The following WASF2 variants were observed in gnomAD, a reference collection of about 807,000 sequenced individuals.
The protein encoded by WASF2 is actin-binding protein WASF2.
WASF2 carries 14 observed loss-of-function variants against 45.0 expected under a neutral mutation model. That is an observed-to-expected ratio of 0.31 (90% CI 0.21 to 0.49). The LOEUF (loss-of-function observed/expected upper bound fraction) is 0.49. WASF2 is among the 20% of genes least tolerant of loss of function. WASF2 has a pLI of 0.99. For synonymous variants in WASF2, 200 were observed against 236.3 expected (o/e 0.85, Z 1.41); for missense variants, 439 against 636.1 (o/e 0.69, Z 3.33).
At chr1:27,439,342 A>G (rs200270140) in intron 1 of WASF2, among the ~76,000 whole-genome samples, 121 of 152,338 alleles carry the variant, frequency 7.9e-4, no homozygotes, top group Middle Eastern at 6.8e-3. Flanking sequence ...TGGTGGTGGT[A>G]GTAGTAGTAG....
chr1:27,447,267 G>T (rs1322882147), intron 1 of WASF2, among the ~76,000 whole-genome samples: 1 of 152,108 alleles, frequency 6.6e-6, no homozygotes, highest in Non-Finnish European at 1.5e-5. Context: ...AGCTGTGAAG[G>T]TATCAATGGG....
chr1:27,441,063 T>C (rs1046721593), intron 1 of WASF2, among the ~76,000 whole-genome samples: 1 of 151,440 alleles, frequency 6.6e-6, no homozygotes, highest in Non-Finnish European at 1.5e-5. Flanking sequence ...AGATGGGGTT[T>C]CACCATGTTG....
At chr1:27,441,376 C>A (rs2017226157) in intron 1 of WASF2, among the ~76,000 whole-genome samples, 1 of 151,652 alleles carries the variant, frequency 6.6e-6, no homozygotes, top group South Asian at 2.1e-4. Flanking sequence ...ACCTGTAATC[C>A]CAGCACTTTG....
At position 27,409,297 on chromosome 1, in the gene WASF2, C is replaced by T. The variant is rs1475225395; in HGVS notation, c.1339+395G>A. Among the ~76,000 whole-genome samples the T allele has an allele frequency of 1.8e-4, 28 of 151,360 alleles. 1 individual carries two copies. The Middle Eastern group carries it at 0.01, about 56-fold the overall frequency. On this transcript the variant is annotated intron_variant, in intron 8 of 8. Transcript: ENST00000618852. ...AAAATTAGCCGGGCGTGGTGGCAGG[C>T]GCCTGTAGTACCAGCTACTCCGGAG...
chr1:27,426,361 A>T (rs1178920461), intron 2 of WASF2, among the ~76,000 whole-genome samples: 1 of 152,164 alleles, frequency 6.6e-6, no homozygotes, highest in Non-Finnish European at 1.5e-5. Flanking sequence ...AGGCTTGGGT[A>T]ATAGTTTAGG....
At position 27,404,901 on chromosome 1, in the gene WASF2, C is replaced by T. The variant is rs996964212; in HGVS notation, c.*3288G>A. 1 of 152,392 alleles carries T rather than the reference C, an allele frequency of 6.6e-6. No homozygotes were observed. Among genetic ancestry groups the T allele is most frequent in the Non-Finnish European group, 1.5e-5 (1 of 68,122 alleles). 9.4% of individuals were successfully genotyped at this position (152,392 alleles called of 1,614,324 possible). On this transcript the variant is annotated 3_prime_UTR_variant, in exon 9 of 9. Transcript: ENST00000618852. ...AGTTGGACCCCAGCAGGGCTCAAAGCCTGATGCCTCCAGGAAGCCTGACAT... is the reference window on the plus strand; with the variant it reads ...AGTTGGACCCCAGCAGGGCTCAAAGTCTGATGCCTCCAGGAAGCCTGACAT...
At chr1:27,478,061 G>A (rs1412575050) in intron 1 of WASF2, among the ~76,000 whole-genome samples, 1 of 151,030 alleles carries the variant, frequency 6.6e-6, no homozygotes, top group Admixed American at 6.6e-5. Context: ...AGACCAACCT[G>A]ACCAACATGG....
intron 1 of WASF2, among the ~76,000 whole-genome samples, chr1:27,466,991 G>T (rs755379059): frequency 6.6e-6 from 1 of 151,926 alleles, no homozygotes; most frequent in African/African-American, 2.4e-5. Context: ...GGGGCAGGCA[G>T]ATTGTTTGAG....
At chr1:27,460,128 C>G (rs1422590471) in intron 1 of WASF2, among the ~76,000 whole-genome samples, 1 of 152,148 alleles carries the variant, frequency 6.6e-6, no homozygotes, top group Non-Finnish European at 1.5e-5. Context: ...TAATATTTCT[C>G]TGCCAGTCCA....
At position 27,425,838 on chromosome 1, in the gene WASF2, C is replaced by CAAAAAAAA. The variant is rs57916899; in HGVS notation, c.130+2915_130+2922dup. ...TGGGCAACAGAGTGAGACTCCGTCT[C>CAAAAAAAA]AAAAAAAAAAAAAAAAAAAAAAAAA... On this transcript the variant is annotated intron_variant, in intron 2 of 8. Transcript: ENST00000618852. Among the ~76,000 whole-genome samples, 2 of 50,602 alleles carry CAAAAAAAA rather than the reference C, an allele frequency of 4.0e-5. 1 individual carries two copies. Among genetic ancestry groups the CAAAAAAAA allele is most frequent in the African/African-American group, 1.9e-4 (2 of 10,322 alleles). The allele number at this position is 50,602 out of a possible 152,430, so 33.2% of individuals were successfully genotyped here.
intron 1 of WASF2, among the ~76,000 whole-genome samples, chr1:27,478,397 T>C (rs369075563): frequency 1.3e-5 from 2 of 150,896 alleles, no homozygotes; most frequent in East Asian, 1.9e-4. Context: ...CATGGACAAA[T>C]GTGAAAAACT....
At chr1:27,411,524 A>G (rs1323420831) in intron 7 of WASF2, among the ~76,000 whole-genome samples, 1 of 152,236 alleles carries the variant, frequency 6.6e-6, no homozygotes, top group Non-Finnish European at 1.5e-5. Context: ...ACTGCTAACT[A>G]TATCATGGAC....
chr1:27,445,903 T>C (rs1425899075), intron 1 of WASF2, among the ~76,000 whole-genome samples: 1 of 151,394 alleles, frequency 6.6e-6, no homozygotes, highest in Non-Finnish European at 1.5e-5. Flanking sequence ...AAAACACTCC[T>C]ATGGGTAATT....
chr1:27,421,541 C>T (rs530306453), intron 2 of WASF2, among the ~76,000 whole-genome samples: 13 of 152,224 alleles, frequency 8.5e-5, no homozygotes, highest in Middle Eastern at 3.4e-3. Context: ...TTAGGCCAGG[C>T]GTGGTGGCTC....
Position 27,408,297 on chromosome 1 carries a change from A to G in WASF2, c.1389T>C (p.Asp463=), listed in dbSNP as rs535580623. The change falls in exon 9 of 9, where the codon GAT becomes GAC. Residue 463 remains aspartate (D), a synonymous_variant. Coordinates refer to ENST00000618852, the MANE Select transcript of WASF2 (RefSeq NM_006990.5). ...TGGTGGCCACGTCATTGCCCACAAC[A>G]TCCCGCTTCTCTTGTTCCCGCTGCT... ...VEEQREQEKR[D]VVGNDVATIL... is the part of the protein sequence containing the mutation. The G allele has an allele frequency of 1.2e-6, 2 of 1,614,164 alleles. No individual in the cohort carries two copies. The highest frequency in any genetic ancestry group is 1.3e-5 in the African/African-American group (1 of 75,042).
chr1:27,416,529 C>G (rs2016828084), intron 4 of WASF2, among the ~76,000 whole-genome samples: 1 of 152,228 alleles, frequency 6.6e-6, no homozygotes, highest in Non-Finnish European at 1.5e-5. Context: ...TTCCCACCCA[C>G]TGGAAACCTG....
At chr1:27,469,627 T>G (rs376048675) in intron 1 of WASF2, among the ~76,000 whole-genome samples, 6 of 152,244 alleles carry the variant, frequency 3.9e-5, no homozygotes, top group African/African-American at 1.4e-4. Context: ...GAAAAGTACC[T>G]AAACATAAAA....
chr1:27,475,803 T>A (rs541622342), intron 1 of WASF2, among the ~76,000 whole-genome samples: 1 of 152,134 alleles, frequency 6.6e-6, no homozygotes, highest in African/African-American at 2.4e-5. Context: ...AATTTTTGTA[T>A]TTTTTGTAGG....
chr1:27,409,615 T>C (rs1161054487), intron 8 of WASF2, 77 bp downstream of exon 8: 4 of 1,387,112 alleles, frequency 2.9e-6, no homozygotes, highest in East Asian at 2.6e-5. Flanking sequence ...AGGGACCCCC[T>C]CACCCATCCC....
Sources: allele counts gnomAD v4.1 joint callset (sites outside exome capture counted in the v4.1 genomes callset), GRCh38; gene constraint gnomAD v4.1.1; transcripts MANE v1.5; gene names NCBI Gene and HGNC (gene_info 2026-07-23, HGNC 2026-07-21).